DIPK1A: variants seen among roughly 807,000 people sequenced by gnomAD.
DIPK1A encodes divergent protein kinase domain 1A.
Under a neutral mutation model 40.8 loss-of-function variants are expected in DIPK1A, and 27 were observed. The observed-to-expected ratio is 0.66, with a 90% CI of 0.49 to 0.91. The LOEUF is 0.91. Among genes scored for constraint, DIPK1A ranks in the 40% least tolerant of loss-of-function variants. The pLI, the probability that DIPK1A is intolerant of heterozygous loss-of-function variation, is 0.00. For synonymous variants in DIPK1A, 166 were observed against 171.3 expected (o/e 0.97, Z 0.24); for missense variants, 412 against 505.7 (o/e 0.81, Z 1.78).
At chr1:92,887,762 G>A (rs1648678056) in intron 1 of DIPK1A, among the ~76,000 whole-genome samples, 1 of 152,042 alleles carries the variant, frequency 6.6e-6, no homozygotes, top group South Asian at 2.1e-4. Context: ...CTATAAGTAG[G>A]GGACTATTCG....
Position 92,876,445 on chromosome 1 carries a change from G to T in DIPK1A, c.55-15C>A, listed in dbSNP as rs773756988. On this transcript the variant is annotated splice_polypyrimidine_tract_variant and intron_variant, in intron 1 of 4. Transcript: ENST00000370310. The stretch of plus-strand genomic sequence containing the variant: ...GAGAAGCGAGCCTGTGAGTAAAAAA[G>T]AACATAACGATCATTCATTCAGCAC... 1.9e-6 allele frequency: 3 copies of T among 1,610,550 alleles called. No individual in the cohort carries two copies. The highest frequency in any genetic ancestry group is 1.7e-6 in the Non-Finnish European group (2 of 1,178,750).
chr1:92,960,668 T>C (rs1462724829), intron 1 of DIPK1A, among the ~76,000 whole-genome samples: 2 of 152,146 alleles, frequency 1.3e-5, no homozygotes, highest in African/African-American at 4.8e-5. Context: ...AGAATTACGT[T>C]TGCATTACTA....
In DIPK1A at chr1:92,876,509, C is replaced by T. The variant is rs1648135420; in HGVS notation, c.55-79G>A. ...AATGTCCTAGAACACGACTTCTCAC[C>T]CTTCTTGGAACAACTCAATATATAT... On this transcript the variant is annotated intron_variant, in intron 1 of 4. Coordinates refer to ENST00000370310, the MANE Select transcript of DIPK1A (RefSeq NM_001006605.5). The T allele has an allele frequency of 4.8e-6, 7 of 1,458,562 alleles. 1 individual carries two copies. Among genetic ancestry groups the T allele is most frequent in the Non-Finnish European group, 6.6e-6 (7 of 1,065,538 alleles). 90.4% of individuals were successfully genotyped at this position (1,458,562 alleles called of 1,614,324 possible).
chr1:92,956,530 C>T (rs1384184821), intron 1 of DIPK1A, among the ~76,000 whole-genome samples: 1 of 152,178 alleles, frequency 6.6e-6, no homozygotes, highest in Non-Finnish European at 1.5e-5. Context: ...CAACCATAGG[C>T]TCTAATTATC....
chr1:92,961,291 A>C, intron 1 of DIPK1A, 85 bp downstream of exon 1: 2 of 980,614 alleles, frequency 2.0e-6, no homozygotes, highest in Non-Finnish European at 1.4e-6. Flanking sequence ...GGGAGGGAGG[A>C]GGGGAGCGGG....
At chr1:92,878,102 G>A (rs1205673580) in intron 1 of DIPK1A, among the ~76,000 whole-genome samples, 1 of 152,068 alleles carries the variant, frequency 6.6e-6, no homozygotes, top group African/African-American at 2.4e-5. Flanking sequence ...ACATGAGACA[G>A]AGAAACACAA....
chr1:92,833,342 C>A, intron 4 of DIPK1A: 2 of 1,440,746 alleles, frequency 1.4e-6, no homozygotes, highest in South Asian at 2.3e-5. Context: ...TCAAAAGTAT[C>A]ATAGGCTAAG....
chr1:92,952,898 T>TA (rs1262728762), intron 1 of DIPK1A, among the ~76,000 whole-genome samples: 2 of 152,142 alleles, frequency 1.3e-5, no homozygotes, highest in Non-Finnish European at 2.9e-5. Flanking sequence ...CTTGTGGCAC[T>TA]AGCTCTAAGA....
intron 1 of DIPK1A, among the ~76,000 whole-genome samples, chr1:92,919,503 A>G (rs566102168): frequency 6.6e-6 from 1 of 152,066 alleles, no homozygotes; most frequent in Non-Finnish European, 1.5e-5. Flanking sequence ...GTGTCTTTTC[A>G]CCCTTGATAA....
intron 4 of DIPK1A, chr1:92,846,472 TA>T: frequency 3.2e-6 from 1 of 315,304 alleles, no homozygotes; most frequent in South Asian, 2.4e-5. Flanking sequence ...GCCACAATTC[TA>T]AGAGTATACT....
intron 1 of DIPK1A, among the ~76,000 whole-genome samples, chr1:92,957,522 C>T (rs1034481374): frequency 6.6e-6 from 1 of 152,212 alleles, no homozygotes; most frequent in Non-Finnish European, 1.5e-5. Flanking sequence ...CTCAGGTAAA[C>T]GTCTGTTGGC....
At chr1:92,834,784 T>C (rs1389749118) in intron 4 of DIPK1A, 1 of 1,613,204 alleles carries the variant, frequency 6.2e-7, no homozygotes, top group Non-Finnish European at 8.5e-7. Context: ...TATAGATTGC[T>C]TATGCCCGTA....
intron 1 of DIPK1A, among the ~76,000 whole-genome samples, chr1:92,881,964 C>A (rs1309009448): frequency 6.6e-6 from 1 of 152,152 alleles, no homozygotes; most frequent in African/African-American, 2.4e-5. Flanking sequence ...CTAAGATCTA[C>A]AAGTCTCTTG....
intron 2 of DIPK1A, among the ~76,000 whole-genome samples, chr1:92,870,637 T>A (rs1368118766): frequency 6.6e-6 from 1 of 152,226 alleles, no homozygotes. Context: ...ATATACTACA[T>A]CTGATGCCAT....
chr1:92,941,391 A>G (rs76733054), intron 1 of DIPK1A, among the ~76,000 whole-genome samples: 1 of 152,346 alleles, frequency 6.6e-6, no homozygotes, highest in East Asian at 1.9e-4. Flanking sequence ...CCTACCATCA[A>G]AAATATACTT....
chr1:92,876,455 A>G (rs1366971009), intron 1 of DIPK1A, 25 bp from the exon 2 acceptor site: 1 of 1,610,370 alleles, frequency 6.2e-7, no homozygotes, highest in Admixed American at 1.7e-5. Flanking sequence ...GAACATAACG[A>G]TCATTCATTC....
At chr1:92,861,321 CTTTTTT>C (rs71230876) in intron 2 of DIPK1A, among the ~76,000 whole-genome samples, 142 of 83,540 alleles carry the variant, frequency 1.7e-3, no homozygotes, top group Non-Finnish European at 2.2e-3. Context: ...CTCTCTCTCT[CTTTTTT>C]TTTTTTTTTT....
chr1:92,833,103 T>C, intron 4 of DIPK1A: 1 of 701,522 alleles, frequency 1.4e-6, no homozygotes, highest in Admixed American at 2.0e-5. Flanking sequence ...AATAATTTTA[T>C]ACCTGTTAAA....
Position 92,836,451 on chromosome 1 carries a change from A to G in DIPK1A, c.475-3417T>C, listed in dbSNP as rs1557441153. On this transcript the variant is annotated intron_variant, in intron 4 of 4. Transcript: ENST00000615519. The stretch of plus-strand genomic sequence containing the variant: ...CCGTGGTACTTCCCTGTTTTTAACT[A>G]GTTGGACTGTGGAGATAACCGAATT... The G allele has an allele frequency of 2.7e-6, 4 of 1,477,614 alleles. No homozygotes were observed. The South Asian group carries it at 3.4e-5, about 13-fold the overall frequency. 91.5% of individuals were successfully genotyped at this position (1,477,614 alleles called of 1,614,324 possible). A position where few individuals can be genotyped will look rare whatever the true frequency, so the allele number is the denominator to read the frequency against.
Sources: allele counts gnomAD v4.1 joint callset (sites outside exome capture counted in the v4.1 genomes callset), GRCh38; gene constraint gnomAD v4.1.1; transcripts MANE v1.5; gene names NCBI Gene and HGNC (gene_info 2026-07-23, HGNC 2026-07-21).